The following CIT variants were observed in gnomAD, a reference collection of about 807,000 sequenced individuals.
CIT encodes the protein citron rho-interacting serine/threonine kinase, also known as citron Rho-interacting kinase.
In CIT, 79 loss-of-function variants were observed where a neutral mutation model predicts 272.7. The ratio of observed to expected loss-of-function variants is 0.29; its 90% CI spans 0.24 to 0.35. The LOEUF (loss-of-function observed/expected upper bound fraction) is 0.35, where lower values mean the gene tolerates loss of function less well. CIT is among the 10% of genes least tolerant of loss of function. CIT has a pLI of 1.00. For missense variants in CIT, 1,909 were observed against 2,618.3 expected (o/e 0.73, Z 5.91); for synonymous variants, 948 against 995.6 (o/e 0.95, Z 0.90).
In CIT at chr12:119,787,656, G is replaced by A. The variant is rs562387452; in HGVS notation, c.1296-2591C>T. 6.3e-4 allele frequency among the ~76,000 whole-genome samples: 95 copies of A among 149,666 alleles called. 1 individual carries two copies. Among genetic ancestry groups the A allele is most frequent in the Middle Eastern group, 3.4e-3 (1 of 290 alleles). ...TGAGGCAGGAGAATGGCATGAACCC[G>A]GGAGGCGGAGCTTGCAGTGAGCCAA... On this transcript the variant is annotated intron_variant, in intron 10 of 47. Coordinates refer to ENST00000392521, the MANE Select transcript of CIT (RefSeq NM_001206999.2).
At chr12:119,737,189 C>A (rs939177941) in intron 24 of CIT, among the ~76,000 whole-genome samples, 1 of 151,740 alleles carries the variant, frequency 6.6e-6, no homozygotes, top group Non-Finnish European at 1.5e-5. Flanking sequence ...CACCTGTAGT[C>A]CCAGCTACTC....
chr12:119,732,626 T>A (rs889913392), intron 26 of CIT, among the ~76,000 whole-genome samples: 2 of 152,246 alleles, frequency 1.3e-5, no homozygotes, highest in Non-Finnish European at 1.5e-5. Flanking sequence ...AGGGTTTTCA[T>A]CTTTTACCTC....
In CIT at chr12:119,784,081, G is replaced by A. The variant is rs954354411; in HGVS notation, c.1402-30C>T. On this transcript the variant is annotated intron_variant, in intron 11 of 47. Coordinates refer to ENST00000392521, the MANE Select transcript of CIT (RefSeq NM_001206999.2). The surrounding 1 kb of genome is among the most constrained non-coding windows in gnomAD (Gnocchi z 4.7). Reference sequence around the variant, plus strand: ...AATAAACACATCGACAGGTTAAAAAGGCCCGTGGAGGTTCATTAGGAGCAA... The same window carrying A: ...AATAAACACATCGACAGGTTAAAAAAGCCCGTGGAGGTTCATTAGGAGCAA... 2 of 1,613,408 alleles carry A rather than the reference G, an allele frequency of 1.2e-6. No homozygotes were observed. Among genetic ancestry groups the A allele is most frequent in the African/African-American group, 2.7e-5 (2 of 74,900 alleles).
intron 3 of CIT, among the ~76,000 whole-genome samples, chr12:119,861,451 G>A (rs910911891): frequency 4.6e-5 from 7 of 152,016 alleles, no homozygotes; most frequent in Non-Finnish European, 5.9e-5. Context: ...GCCAGGTGTC[G>A]TGGCGCATGC....
At chr12:119,818,665 T>C (rs117907510) in intron 9 of CIT, among the ~76,000 whole-genome samples, 2 of 152,334 alleles carry the variant, frequency 1.3e-5, no homozygotes, top group East Asian at 3.9e-4. Context: ...GAATTGTTTC[T>C]TTCAGAGAAT....
At chr12:119,757,322 G>A (rs745862529) in intron 22 of CIT, 49 bp downstream of exon 22, 13 of 1,604,894 alleles carry the variant, frequency 8.1e-6, no homozygotes, top group Non-Finnish European at 1.0e-5. Context: ...CTTGTTCAGA[G>A]CCCGAATCGC....
intron 10 of CIT, among the ~76,000 whole-genome samples, chr12:119,793,717 C>T (rs1028463916): frequency 2.6e-5 from 4 of 152,144 alleles, no homozygotes; most frequent in African/African-American, 7.2e-5. Flanking sequence ...TTTTGCTAAC[C>T]GACTCCTTAT....
At chr12:119,779,559 A>T (rs1463123136) in intron 13 of CIT, among the ~76,000 whole-genome samples, 1 of 152,240 alleles carries the variant, frequency 6.6e-6, no homozygotes, top group Non-Finnish European at 1.5e-5. Flanking sequence ...TGGGAAAGCC[A>T]GTCCTGGCTA....
chr12:119,802,913 C>G (rs1358093201), intron 10 of CIT, among the ~76,000 whole-genome samples: 3 of 152,178 alleles, frequency 2.0e-5, no homozygotes, highest in Non-Finnish European at 4.4e-5. Flanking sequence ...CTGGAAATCT[C>G]CCACTCTCTC....
At chr12:119,715,736 T>TA in intron 32 of CIT, among the ~76,000 whole-genome samples, 1 of 152,348 alleles carries the variant, frequency 6.6e-6, no homozygotes. Flanking sequence ...TAGAACAGGT[T>TA]AGTTACAGAT....
intron 9 of CIT, among the ~76,000 whole-genome samples, chr12:119,806,839 T>C (rs1966639984): frequency 6.6e-6 from 1 of 152,122 alleles, no homozygotes; most frequent in African/African-American, 2.4e-5. Flanking sequence ...TCAAAGAACA[T>C]GACACTTTGA....
rs1391691788 is a variant in CIT, at chr12:119,690,879, G to C, written c.5883-425C>G. On this transcript the variant is annotated intron_variant, in intron 46 of 47. Transcript: ENST00000392521. This position sits in a 1 kb window ranked among gnomAD's most constrained non-coding sequence, Gnocchi z 6.0. ...GTGGTAGAGCTGGGATTCCAATAAAGACCAGTTTGATAGGCCAGGCGCAGT... is the reference window on the plus strand; with the variant it reads ...GTGGTAGAGCTGGGATTCCAATAAACACCAGTTTGATAGGCCAGGCGCAGT... 6.6e-6 allele frequency among the ~76,000 whole-genome samples: 1 copy of C among 152,210 alleles called. No homozygotes were observed. The highest frequency in any genetic ancestry group is 2.4e-5 in the African/African-American group (1 of 41,452).
chr12:119,831,363 G>GA (rs1350170766), intron 7 of CIT, among the ~76,000 whole-genome samples: 1 of 151,924 alleles, frequency 6.6e-6, no homozygotes, highest in African/African-American at 2.4e-5. Context: ...AAAATAACCT[G>GA]AAAAAAAGAA....
intron 29 of CIT, 128 bp downstream of exon 29, chr12:119,721,181 G>T: frequency 1.5e-6 from 1 of 665,474 alleles, no homozygotes; most frequent in Non-Finnish European, 2.3e-6. Context: ...TGGCCAGGCT[G>T]GTCTCGAACT....
intron 40 of CIT, among the ~76,000 whole-genome samples, chr12:119,704,727 G>A (rs182999670): frequency 1.3e-5 from 2 of 152,272 alleles, no homozygotes; most frequent in East Asian, 1.9e-4. Context: ...ACCCCTGGTC[G>A]AGAACCAAGG....
chr12:119,874,924 T>C lies in CIT; in HGVS notation c.96+1149A>G, dbSNP rs534580820. Among the ~76,000 whole-genome samples the C allele has an allele frequency of 1.1e-3, 167 of 151,590 alleles. 1 individual carries two copies. The highest frequency in any genetic ancestry group is 3.9e-3 in the African/African-American group (162 of 41,356). On this transcript the variant is annotated intron_variant, in intron 2 of 47. Transcript: ENST00000392521. ...AAAAATCTTAAAAAATAAACATCCC[T>C]GCAATGAAAATGAATAGGATTATAC...
At position 119,789,306 on chromosome 12, in the gene CIT, T is replaced by C. The variant is rs144209370; in HGVS notation, c.1296-4241A>G. ...TTGTATGACCATCCCCAGCATTTAG[T>C]TCCATGTAGCATTTTGGCCAGACCA... On this transcript the variant is annotated intron_variant, in intron 10 of 47. Coordinates refer to ENST00000392521, the MANE Select transcript of CIT (RefSeq NM_001206999.2). Among the ~76,000 whole-genome samples, 55 of 152,346 alleles carry C rather than the reference T, an allele frequency of 3.6e-4. No individual in the cohort carries two copies. In the East Asian group the frequency reaches 0.01, roughly 28 times the overall value.
At chr12:119,727,408 A>G (rs1033645294) in intron 28 of CIT, among the ~76,000 whole-genome samples, 7 of 152,200 alleles carry the variant, frequency 4.6e-5, no homozygotes, top group Admixed American at 1.3e-4. Context: ...AGCTATGAGT[A>G]TGAAGGCATA....
intron 9 of CIT, among the ~76,000 whole-genome samples, chr12:119,816,633 A>G (rs191226727): frequency 1.4e-3 from 216 of 152,268 alleles, no homozygotes; most frequent in Non-Finnish European, 2.2e-3. Flanking sequence ...GATGATTCCG[A>G]TGCTGCCGGT....
Sources: allele counts gnomAD v4.1 joint callset (sites outside exome capture counted in the v4.1 genomes callset), GRCh38; gene constraint gnomAD v4.1.1; non-coding constraint Gnocchi (gnomAD v3.1); transcripts MANE v1.5; gene names NCBI Gene and HGNC (gene_info 2026-07-23, HGNC 2026-07-21).